Variants in ZFAT observed in about 807,000 individuals in gnomAD.
ZFAT encodes the protein zinc finger and AT-hook domain containing.
Under a neutral mutation model 117.7 loss-of-function variants are expected in ZFAT, and 64 were observed. The ratio of observed to expected loss-of-function variants is 0.54; its 90% CI spans 0.44 to 0.67. ZFAT has a LOEUF of 0.67. Ranked by LOEUF, ZFAT falls within the 30% of genes least tolerant of loss-of-function variation. The pLI is 0.00. For synonymous variants in ZFAT, 679 were observed against 615.0 expected, an observed-to-expected ratio of 1.10 and a Z score of -1.54; for missense variants, 1,433 against 1,584.5, an observed-to-expected ratio of 0.90 and a Z score of 1.62.
the ZFAT span, among the ~76,000 whole-genome samples, chr8:134,825,061 T>C: frequency 1.2e-3 from 178 of 152,328 alleles, no homozygotes; most frequent in African/African-American, 4.1e-3. Context: ...CTTATAAAAT[T>C]TGGAAATCTA....
At chr8:134,813,435 C>G in the ZFAT span, among the ~76,000 whole-genome samples, 1 of 152,040 alleles carries the variant, frequency 6.6e-6, no homozygotes, top group Non-Finnish European at 1.5e-5. Flanking sequence ...TTTTTTGAAA[C>G]AGAGTTTCAC....
At chr8:134,479,824 T>C (rs1476767566) in intron 15 of ZFAT, among the ~76,000 whole-genome samples, 7 of 152,194 alleles carry the variant, frequency 4.6e-5, no homozygotes, top group African/African-American at 1.7e-4. Context: ...CTTCAGTCTA[T>C]TCATCTGTAA....
chr8:134,525,258 A>C (rs1184080109), intron 12 of ZFAT, among the ~76,000 whole-genome samples: 3 of 152,206 alleles, frequency 2.0e-5, no homozygotes, highest in Non-Finnish European at 4.4e-5. Flanking sequence ...AAAGCCTCAC[A>C]AACAGTCCCC....
chr8:134,822,096 A>G, the ZFAT span, among the ~76,000 whole-genome samples: 1 of 152,274 alleles, frequency 6.6e-6, no homozygotes, highest in East Asian at 1.9e-4. Context: ...TCCTAATATG[A>G]CCTAACTCAC....
chr8:134,744,981 G>A, the ZFAT span, among the ~76,000 whole-genome samples: 2 of 149,360 alleles, frequency 1.3e-5, no homozygotes, highest in Non-Finnish European at 3.0e-5. Flanking sequence ...CGCCCACCTC[G>A]GCCTCCCAAA....
the ZFAT span, among the ~76,000 whole-genome samples, chr8:134,742,738 C>G: frequency 6.6e-6 from 1 of 152,236 alleles, no homozygotes; most frequent in Admixed American, 6.5e-5. Context: ...AACTCCTGCT[C>G]TAGTCCTTCT....
intron 3 of ZFAT, among the ~76,000 whole-genome samples, chr8:134,630,242 TC>T (rs1272374446): frequency 6.6e-6 from 1 of 152,170 alleles, no homozygotes; most frequent in African/African-American, 2.4e-5. Flanking sequence ...GGGTTTCCAC[TC>T]ACCTAGTTAG....
chr8:134,597,399 T>C (rs887538723), intron 7 of ZFAT: 9 of 152,206 alleles, frequency 5.9e-5, no homozygotes, highest in African/African-American at 2.2e-4. Flanking sequence ...ACAAATAGCT[T>C]CCCCTTGGTT....
the ZFAT span, among the ~76,000 whole-genome samples, chr8:134,748,203 C>G: frequency 2.0e-5 from 3 of 152,296 alleles, no homozygotes; most frequent in South Asian, 6.2e-4. Context: ...GGTCCTCTCT[C>G]TATTCCTTGC....
chr8:134,644,642 TCA>T (rs1387261196), intron 2 of ZFAT, among the ~76,000 whole-genome samples: 2 of 149,782 alleles, frequency 1.3e-5, no homozygotes, highest in Admixed American at 6.6e-5. Flanking sequence ...ATACACAATC[TCA>T]CACACAAACG....
intron 11 of ZFAT, among the ~76,000 whole-genome samples, chr8:134,553,374 G>C (rs1409079635): frequency 1.3e-5 from 2 of 152,156 alleles, no homozygotes; most frequent in Non-Finnish European, 2.9e-5. Context: ...GCGGTGGCAG[G>C]CACCTGTAAT....
intron 14 of ZFAT, chr8:134,509,994 T>A (rs1355766113): frequency 7.6e-6 from 4 of 525,072 alleles, no homozygotes; most frequent in African/African-American, 5.7e-5. Flanking sequence ...AGACGTTATT[T>A]GCATTTTGTA....
intron 3 of ZFAT, among the ~76,000 whole-genome samples, chr8:134,616,279 A>G (rs1828729658): frequency 6.6e-6 from 1 of 152,240 alleles, no homozygotes; most frequent in African/African-American, 2.4e-5. Flanking sequence ...CAAGGAGGGT[A>G]CAGGGTAAAA....
intron 3 of ZFAT, among the ~76,000 whole-genome samples, chr8:134,611,918 G>A (rs1828361331): frequency 8.4e-6 from 1 of 118,410 alleles, no homozygotes; most frequent in African/African-American, 3.2e-5. Context: ...AGAAAGAACA[G>A]CTAATTCCAC....
intron 1 of ZFAT, among the ~76,000 whole-genome samples, chr8:134,709,252 G>C (rs1366283680): frequency 6.6e-6 from 1 of 152,238 alleles, no homozygotes; most frequent in African/African-American, 2.4e-5. Context: ...CAAGAAGAGA[G>C]TGGATGACAA....
chr8:134,664,575 G>A (rs1832115150), intron 1 of ZFAT, among the ~76,000 whole-genome samples: 2 of 152,212 alleles, frequency 1.3e-5, no homozygotes, highest in South Asian at 4.1e-4. Context: ...CCACGGGGAG[G>A]GCAGCTGCAA....
the ZFAT span, among the ~76,000 whole-genome samples, chr8:134,756,624 C>G: frequency 2.6e-4 from 39 of 152,260 alleles, no homozygotes; most frequent in Admixed American, 2.4e-3. Context: ...ATTTTCACAG[C>G]TGCACCCCTC....
chr8:134,781,930 A>G, the ZFAT span, among the ~76,000 whole-genome samples: 1 of 152,230 alleles, frequency 6.6e-6, no homozygotes, highest in African/African-American at 2.4e-5. Context: ...CATACCAAGT[A>G]TGTGTTAATA....
chr8:134,679,035 C>T (rs572061511), intron 1 of ZFAT, among the ~76,000 whole-genome samples: 5 of 152,290 alleles, frequency 3.3e-5, no homozygotes, highest in Non-Finnish European at 7.4e-5. Flanking sequence ...ATAGCAAAGA[C>T]TTCATGACTA....
Sources: gnomAD v4.1 joint callset for allele counts (sites outside exome capture counted in the v4.1 genomes callset) on GRCh38, gnomAD v4.1.1 for gene constraint, MANE v1.5 for transcripts, NCBI Gene and HGNC (gene_info 2026-07-23, HGNC 2026-07-21) for gene names.